TMEM87B: variants seen among roughly 807,000 people sequenced by gnomAD.
TMEM87B encodes transmembrane protein 87B.
TMEM87B carries 83 observed loss-of-function variants against 80.3 expected under a neutral mutation model. The ratio of observed to expected loss-of-function variants is 1.03; its 90% CI spans 0.87 to 1.24. The LOEUF is 1.24. Ranked by LOEUF, TMEM87B falls within the 50% of genes most tolerant of loss-of-function variation. TMEM87B has a pLI of 0.00. For missense variants in TMEM87B, 625 were observed against 674.4 expected, an observed-to-expected ratio of 0.93 and a Z score of 0.81; for synonymous variants, 219 against 230.5, an observed-to-expected ratio of 0.95 and a Z score of 0.45.
At chr2:112,099,055 A>G (rs954016556) in intron 14 of TMEM87B, among the ~76,000 whole-genome samples, 20 of 152,148 alleles carry the variant, frequency 1.3e-4, no homozygotes, top group African/African-American at 4.3e-4. Context: ...GGTTAATACC[A>G]CATACTCATA....
intron 6 of TMEM87B, among the ~76,000 whole-genome samples, chr2:112,078,715 C>T (rs1678896333): frequency 6.6e-6 from 1 of 152,214 alleles, no homozygotes; most frequent in African/African-American, 2.4e-5. Context: ...GGAGCTGTCA[C>T]TGAGCCCTGC....
At chr2:112,097,712 C>CAAAAA (rs68175814) in intron 13 of TMEM87B, among the ~76,000 whole-genome samples, 15 of 57,212 alleles carry the variant, frequency 2.6e-4, no homozygotes, top group East Asian at 1.1e-3. Flanking sequence ...GACTCCATCT[C>CAAAAA]AAAAAAAAAA....
chr2:112,103,102 A>T (rs1679677448), intron 15 of TMEM87B, among the ~76,000 whole-genome samples: 1 of 152,218 alleles, frequency 6.6e-6, no homozygotes, highest in African/African-American at 2.4e-5. Flanking sequence ...GAACTAAGTG[A>T]CTGTGACAGT....
chr2:112,072,895 C>CTTTTTTTTTTTTTTTTT (rs71226782), intron 4 of TMEM87B, among the ~76,000 whole-genome samples: 1 of 83,014 alleles, frequency 1.2e-5, no homozygotes, highest in Non-Finnish European at 2.3e-5. Context: ...AACTCTTCTT[C>CTTTTTTTTTTTTTTTTT]TTTTTTTTTT....
intron 1 of TMEM87B, among the ~76,000 whole-genome samples, chr2:112,057,637 T>A (rs1376421613): frequency 1.3e-5 from 2 of 152,196 alleles, no homozygotes. Context: ...GTGTGTCATA[T>A]GTTAGACTGG....
At chr2:112,088,246 A>C (rs1282989871) in intron 9 of TMEM87B, among the ~76,000 whole-genome samples, 1 of 152,254 alleles carries the variant, frequency 6.6e-6, no homozygotes, top group East Asian at 1.9e-4. Flanking sequence ...GGAATCTTGC[A>C]GTACCTTTCA....
chr2:112,107,803 TG>T lies in TMEM87B; in HGVS notation c.1543del (p.Val515Ter). On this transcript the variant is annotated frameshift_variant, in exon 17 of 19. Transcript: ENST00000283206. LOFTEE classifies it high-confidence loss of function. ...TSENFDEDLKWVEENIPSSFT... is the reference protein window; with the variant it reads ...TSENFDEDLKXVEENIPSSFT... Reference sequence around the variant, plus strand: ...ATTTCTACAGGATGAAGATTTGAAGTGGGTAGAAGAAAATATTCCCTCTTCA... The same window carrying T: ...ATTTCTACAGGATGAAGATTTGAAGTGGTAGAAGAAAATATTCCCTCTTCA... 1 of 1,578,442 alleles carries T rather than the reference TG, an allele frequency of 6.3e-7. No homozygotes were observed.
chr2:112,077,089 G>T, intron 5 of TMEM87B, 103 bp from the exon 6 acceptor site: 58 of 411,776 alleles, frequency 1.4e-4, no homozygotes, highest in Non-Finnish European at 2.1e-4. Context: ...AATTTAAAAA[G>T]TAACCCGATT....
At chr2:112,085,935 T>C in intron 8 of TMEM87B, 70 bp from the exon 9 acceptor site, 1 of 1,279,544 alleles carries the variant, frequency 7.8e-7, no homozygotes, top group Non-Finnish European at 1.1e-6. Context: ...CAGGACATGT[T>C]GTTGAGAATC....
chr2:112,076,916 A>G (rs1415609115), intron 5 of TMEM87B, among the ~76,000 whole-genome samples: 7 of 148,904 alleles, frequency 4.7e-5, no homozygotes, highest in Non-Finnish European at 7.5e-5. Flanking sequence ...AAGAAACCCA[A>G]TATGACTGGA....
chr2:112,106,493 C>G (rs1363062842), intron 16 of TMEM87B, among the ~76,000 whole-genome samples: 1 of 151,804 alleles, frequency 6.6e-6, no homozygotes. Context: ...ATTTTTGAAG[C>G]CATTTTAAAA....
chr2:112,071,314 G>A lies in TMEM87B; in HGVS notation c.451-3598G>A, dbSNP rs543947819. Among the ~76,000 whole-genome samples, 21 of 60,892 alleles carry A rather than the reference G, an allele frequency of 3.4e-4. No individual in the cohort carries two copies. The East Asian group carries it at 4.4e-3, about 13-fold the overall frequency. 39.9% of individuals were successfully genotyped at this position (60,892 alleles called of 152,430 possible). On this transcript the variant is annotated intron_variant, in intron 4 of 18. Transcript: ENST00000283206. ...CTAGTGATTCCCCCCCCGCCCCCCC[G>A]CCGCCGCCACCACTGCCCACTCTGT...
intron 15 of TMEM87B, among the ~76,000 whole-genome samples, chr2:112,105,482 A>G (rs1321701491): frequency 6.6e-6 from 1 of 152,226 alleles, no homozygotes; most frequent in Non-Finnish European, 1.5e-5. Context: ...GCCTTGCCCA[A>G]GATTCCAGTG....
intron 17 of TMEM87B, 94 bp downstream of exon 17, chr2:112,107,934 G>A (rs926186486): frequency 2.3e-5 from 17 of 733,556 alleles, no homozygotes; most frequent in Non-Finnish European, 3.5e-5. Context: ...TTCAAACCTC[G>A]TACTTGCATG....
At position 112,117,088 on chromosome 2, in the gene TMEM87B, C is replaced by T. The variant is rs1680045085; in HGVS notation, c.*945C>T. 1 of 152,174 alleles carries T rather than the reference C, an allele frequency of 6.6e-6. No homozygotes were observed. Among genetic ancestry groups the T allele is most frequent in the Non-Finnish European group, 1.5e-5 (1 of 68,020 alleles). The allele number at this position is 152,174 out of a possible 1,614,324, so 9.4% of individuals were successfully genotyped here. ...TTGATTTTATAATTAATTTCTTAAGCTTCAACCATGTTTTATACCTTATTT... is the reference window on the plus strand; with the variant it reads ...TTGATTTTATAATTAATTTCTTAAGTTTCAACCATGTTTTATACCTTATTT... On this transcript the variant is annotated 3_prime_UTR_variant, in exon 19 of 19. Transcript: ENST00000283206.
chr2:112,062,930 C>G (rs1678300167), intron 2 of TMEM87B, among the ~76,000 whole-genome samples: 1 of 152,206 alleles, frequency 6.6e-6, no homozygotes, highest in Admixed American at 6.5e-5. Context: ...CATGGGCAGG[C>G]TGCCCTTCAG....
intron 4 of TMEM87B, among the ~76,000 whole-genome samples, chr2:112,069,750 C>T (rs1018626464): frequency 1.3e-4 from 20 of 152,176 alleles, no homozygotes; most frequent in African/African-American, 2.9e-4. Flanking sequence ...ATTGCCACAC[C>T]GCTTTCCACA....
At chr2:112,064,525 T>G (rs750377583) in intron 3 of TMEM87B, among the ~76,000 whole-genome samples, 3 of 152,230 alleles carry the variant, frequency 2.0e-5, no homozygotes, top group East Asian at 1.9e-4. Flanking sequence ...AAATAAATGC[T>G]TAATTTGCAA....
Position 112,116,992 on chromosome 2 carries a change from A to G in TMEM87B, c.*849A>G, listed in dbSNP as rs1680042966. On this transcript the variant is annotated 3_prime_UTR_variant, in exon 19 of 19. Transcript: ENST00000283206. ...TGAACTTTGTGGAAATTAGAACTGT[A>G]TCTTTTACATAATCTTGGCATATTA... 1 of 152,524 alleles carries G rather than the reference A, an allele frequency of 6.6e-6. No individual in the cohort carries two copies. The highest frequency in any genetic ancestry group is 2.1e-4 in the South Asian group (1 of 4,836). 9.4% of individuals were successfully genotyped at this position (152,524 alleles called of 1,614,324 possible).
Sources: gnomAD v4.1 joint callset for allele counts (sites outside exome capture counted in the v4.1 genomes callset) on GRCh38, gnomAD v4.1.1 for gene constraint, MANE v1.5 for transcripts, NCBI Gene and HGNC (gene_info 2026-07-23, HGNC 2026-07-21) for gene names.